ARHGAP23: variants seen among roughly 807,000 people sequenced by gnomAD.
ARHGAP23 encodes the protein rho GTPase-activating protein 23.
A neutral mutation model predicts 136.3 loss-of-function variants in ARHGAP23; 34 were observed. The ratio of observed to expected loss-of-function variants is 0.25; its 90% confidence interval spans 0.19 to 0.33. The LOEUF is 0.33. Ranked by LOEUF, ARHGAP23 falls within the 10% of genes least tolerant of loss-of-function variation. The pLI, the probability that ARHGAP23 is intolerant of heterozygous loss-of-function variation, is 1.00. For missense variants in ARHGAP23, 1,808 were observed against 2,139.0 expected, an observed-to-expected ratio of 0.85 and a Z score of 3.05; for synonymous variants, 832 against 920.5, an observed-to-expected ratio of 0.90 and a Z score of 1.74.
intron 4 of ARHGAP23, 57 bp downstream of exon 4, chr17:38,462,998 C>G: frequency 6.5e-7 from 1 of 1,539,770 alleles, no homozygotes; most frequent in Non-Finnish European, 8.8e-7. Context: ...GGATTTTATT[C>G]TCAGATCCAG....
chr17:38,501,835 A>G (rs2040528060), intron 23 of ARHGAP23, among the ~76,000 whole-genome samples: 1 of 151,778 alleles, frequency 6.6e-6, no homozygotes, highest in Non-Finnish European at 1.5e-5. Context: ...CAAATATTTA[A>G]GGAATTTTTT....
At chr17:38,469,421 C>G in intron 8 of ARHGAP23, 103 bp from the exon 9 acceptor site, 1 of 1,466,908 alleles carries the variant, frequency 6.8e-7, no homozygotes, top group South Asian at 1.3e-5. Context: ...CCTGCGGCCC[C>G]TTGGGAGAGT....
At chr17:38,480,416 G>A (rs879414213) in intron 14 of ARHGAP23, among the ~76,000 whole-genome samples, 4 of 152,110 alleles carry the variant, frequency 2.6e-5, no homozygotes, top group East Asian at 1.9e-4. Flanking sequence ...GGCGGATCAC[G>A]AGGTCAGGAG....
chr17:38,466,935 G>T lies in ARHGAP23; in HGVS notation c.1252G>T (p.Gly418Cys). The T allele has an allele frequency of 2.6e-6, 4 of 1,550,462 alleles. No individual in the cohort carries two copies. Among genetic ancestry groups the T allele is most frequent in the Non-Finnish European group, 3.5e-6 (4 of 1,146,934 alleles). Residue 418 changes from glycine (G) to cysteine (C), a missense_variant, in exon 7 of 24, where the codon GGC becomes TGC. Gly to Cys is a radical substitution (Grantham distance 159). Transcript: ENST00000622683. ...LQGLDDLGYI[G>C]YRSYSPSFQR... ...GGGCCTGGATGACCTCGGGTACATC[G>T]GCTACCGGAGCTACAGCCCATCATT... is the stretch of plus-strand genomic sequence containing the variant.
intron 22 of ARHGAP23, among the ~76,000 whole-genome samples, chr17:38,499,190 C>T (rs2040464905): frequency 6.6e-6 from 1 of 152,252 alleles, no homozygotes; most frequent in Admixed American, 6.5e-5. Context: ...TGCCTGGACA[C>T]CTGGGCATCG....
upstream of ARHGAP23, among the ~76,000 whole-genome samples, chr17:38,427,984 C>A (rs1233672655): frequency 6.6e-6 from 1 of 152,120 alleles, no homozygotes; most frequent in Non-Finnish European, 1.5e-5. Context: ...CTTTCTCTGC[C>A]TCTCTCTGCG....
chr17:38,425,913 G>A (rs2038565091), upstream of ARHGAP23, among the ~76,000 whole-genome samples: 2 of 152,072 alleles, frequency 1.3e-5, no homozygotes, highest in South Asian at 2.1e-4. Flanking sequence ...TGGGAAGTGG[G>A]AGCGGGTGGG....
intron 1 of ARHGAP23, among the ~76,000 whole-genome samples, chr17:38,454,634 A>C (rs1437220008): frequency 6.6e-6 from 1 of 152,076 alleles, no homozygotes; most frequent in Non-Finnish European, 1.5e-5. Flanking sequence ...CCCTGCAGGT[A>C]GTGAGTGCTC....
In ARHGAP23 at chr17:38,477,611, G is replaced by C; in HGVS notation, c.2151G>C (p.Arg717=). ...GCAGCGGCCTGCGCCAGTGGAAGCG[G>C]GTGTACGCCGCGCTGCGGGCGCGCT... ...KAGSGLRQWK[R]VYAALRARSL... Residue 717 remains arginine, a synonymous_variant, in exon 12 of 24, where the codon CGG becomes CGC. Coordinates refer to ENST00000622683, the MANE Select transcript of ARHGAP23 (RefSeq NM_001199417.2). The surrounding 1 kb of genome is among the most constrained non-coding windows in gnomAD (Gnocchi z 6.6). The C allele has an allele frequency of 7.8e-7, 1 of 1,281,612 alleles. No individual in the cohort carries two copies. Among genetic ancestry groups the C allele is most frequent in the Non-Finnish European group, 9.9e-7 (1 of 1,009,386 alleles). 79.4% of individuals were successfully genotyped at this position (1,281,612 alleles called of 1,614,324 possible). A position where few individuals can be genotyped will look rare whatever the true frequency, so the allele number is the denominator to read the frequency against.
At chr17:38,495,237 T>TC (rs1567823963) in intron 20 of ARHGAP23, among the ~76,000 whole-genome samples, 2 of 149,800 alleles carry the variant, frequency 1.3e-5, no homozygotes, top group African/African-American at 4.9e-5. Context: ...TCTTTTTTTT[T>TC]TTTTTTTTTT....
intron 23 of ARHGAP23, among the ~76,000 whole-genome samples, chr17:38,504,673 A>T (rs1432094241): frequency 6.6e-6 from 1 of 152,048 alleles, no homozygotes; most frequent in Non-Finnish European, 1.5e-5. Flanking sequence ...CATCTGAGCC[A>T]CTCTTGGTTC....
chr17:38,446,928 C>T (rs1244068630), intron 1 of ARHGAP23, among the ~76,000 whole-genome samples: 1 of 152,116 alleles, frequency 6.6e-6, no homozygotes. Flanking sequence ...ATCCTCCCAC[C>T]TCAGCCTCCC....
upstream of ARHGAP23, chr17:38,428,415 G>GC (rs1362756465): frequency 4.8e-6 from 4 of 842,020 alleles, no homozygotes; most frequent in Admixed American, 4.5e-5. Context: ...CCCGCCCCCG[G>GC]CCCCGCCCCT....
intron 1 of ARHGAP23, among the ~76,000 whole-genome samples, chr17:38,444,864 C>T (rs1247397323): frequency 6.6e-6 from 1 of 151,722 alleles, no homozygotes; most frequent in Non-Finnish European, 1.5e-5. Flanking sequence ...GCCGTCCAGG[C>T]TGGAGTGCAA....
intron 17 of ARHGAP23, among the ~76,000 whole-genome samples, chr17:38,486,446 A>G (rs890016217): frequency 1.3e-5 from 2 of 150,590 alleles, no homozygotes; most frequent in African/African-American, 4.9e-5. Context: ...TGTTGCTCAG[A>G]CTGGTGTTGC....
upstream of ARHGAP23, among the ~76,000 whole-genome samples, chr17:38,426,567 A>AAAG (rs2038573569): frequency 1.3e-5 from 2 of 150,756 alleles, no homozygotes; most frequent in African/African-American, 4.9e-5. Context: ...AAAAAAAAAA[A>AAAG]AAAAATCCAG....
chr17:38,468,905 T>G (rs1224309351), intron 7 of ARHGAP23, among the ~76,000 whole-genome samples: 1 of 152,178 alleles, frequency 6.6e-6, no homozygotes, highest in Non-Finnish European at 1.5e-5. Flanking sequence ...ATATTGGCTC[T>G]GTCCTCTGGA....
intron 1 of ARHGAP23, among the ~76,000 whole-genome samples, chr17:38,437,360 A>G (rs1164977796): frequency 1.3e-5 from 2 of 152,064 alleles, no homozygotes; most frequent in African/African-American, 2.4e-5. Context: ...TCCTGAGCTC[A>G]AGTGATCCTC....
intron 1 of ARHGAP23, among the ~76,000 whole-genome samples, chr17:38,443,750 T>G (rs1158982591): frequency 6.6e-6 from 1 of 152,150 alleles, no homozygotes; most frequent in Non-Finnish European, 1.5e-5. Context: ...GAGCCCCATG[T>G]GCCCCCGGGA....
Sources: allele counts gnomAD v4.1 joint callset (sites outside exome capture counted in the v4.1 genomes callset), GRCh38; gene constraint gnomAD v4.1.1; non-coding constraint Gnocchi (gnomAD v3.1); transcripts MANE v1.5; gene names NCBI Gene and HGNC (gene_info 2026-07-23, HGNC 2026-07-21).